Variants in GRIK3 observed in about 807,000 individuals in gnomAD.
GRIK3 encodes glutamate ionotropic receptor kainate type subunit 3.
A neutral mutation model predicts 102.5 loss-of-function variants in GRIK3; 29 were observed. That is an observed-to-expected ratio of 0.28 (90% CI 0.21 to 0.39). GRIK3 has a LOEUF of 0.39. Among genes scored for constraint, GRIK3 ranks in the 10% least tolerant of loss-of-function variants. GRIK3 has a pLI of 1.00. For missense variants in GRIK3, 908 were observed against 1,252.4 expected (o/e 0.73, Z 4.15); for synonymous variants, 511 against 504.9 (o/e 1.01, Z -0.16).
At chr1:36,870,244 C>T (rs1344414246) in intron 4 of GRIK3, among the ~76,000 whole-genome samples, 1 of 152,134 alleles carries the variant, frequency 6.6e-6, no homozygotes, top group African/African-American at 2.4e-5. Context: ...CCCTGCTAAC[C>T]CCCTGGCCTA....
intron 1 of GRIK3, among the ~76,000 whole-genome samples, chr1:36,948,134 T>G (rs1275572811): frequency 1.3e-5 from 2 of 152,068 alleles, no homozygotes; most frequent in Non-Finnish European, 2.9e-5. Context: ...ATGCAACACC[T>G]GGTATCAAAC....
chr1:36,977,569 T>C (rs1642207740), intron 1 of GRIK3, among the ~76,000 whole-genome samples: 1 of 152,150 alleles, frequency 6.6e-6, no homozygotes, highest in South Asian at 2.1e-4. Context: ...AATAAAGCCA[T>C]TCCCCTGCGA....
At chr1:36,815,306 G>A (rs1642614817) in intron 13 of GRIK3, among the ~76,000 whole-genome samples, 1 of 152,178 alleles carries the variant, frequency 6.6e-6, no homozygotes, top group African/African-American at 2.4e-5. Context: ...GGACATGGTG[G>A]GGGCTGGGCA....
At chr1:37,011,555 G>C (rs1435253723) in intron 1 of GRIK3, among the ~76,000 whole-genome samples, 1 of 152,206 alleles carries the variant, frequency 6.6e-6, no homozygotes, top group Non-Finnish European at 1.5e-5. Context: ...TTCAAAGATA[G>C]GCAGTGGCTT....
chr1:36,988,367 G>C (rs138121405), intron 1 of GRIK3, among the ~76,000 whole-genome samples: 264 of 152,380 alleles, frequency 1.7e-3, no homozygotes, highest in African/African-American at 5.6e-3. Flanking sequence ...TGCTGACCCA[G>C]TGGGGCAGGA....
chr1:36,928,392 A>G (rs377489477), intron 1 of GRIK3, among the ~76,000 whole-genome samples: 4 of 152,192 alleles, frequency 2.6e-5, no homozygotes, highest in Non-Finnish European at 5.9e-5. Context: ...GTGGCTGCCC[A>G]GGTGAACAAA....
chr1:36,850,029 A>C lies in GRIK3; in HGVS notation c.1326+282T>G, dbSNP rs781703991. ...CACTCAGGTTGCAATGGGCTGTCAAACCCCCTTAATTCCACCATCCAGCAT... is the reference window on the plus strand; with the variant it reads ...CACTCAGGTTGCAATGGGCTGTCAACCCCCCTTAATTCCACCATCCAGCAT... On this transcript the variant is annotated intron_variant, in intron 9 of 15. Transcript: ENST00000373091. The surrounding 1 kb of genome is among the most constrained non-coding windows in gnomAD (Gnocchi z 4.0). 5.1e-5 allele frequency: 18 copies of C among 352,238 alleles called. No individual in the cohort carries two copies. The highest frequency in any genetic ancestry group is 8.8e-5 in the Non-Finnish European group (17 of 192,112). 21.8% of individuals were successfully genotyped at this position (352,238 alleles called of 1,614,324 possible).
At position 37,007,164 on chromosome 1, in the gene GRIK3, C is replaced by T. The variant is rs151019141; in HGVS notation, c.115+26830G>A. On this transcript the variant is annotated intron_variant, in intron 1 of 15. Transcript: ENST00000373091. ...GGGAACACGGCATAGGGCACCACTA[C>T]ATGCAGGCACTGAGCAGATGCTCCC... Among the ~76,000 whole-genome samples the T allele has an allele frequency of 3.3e-3, 496 of 152,374 alleles. 1 individual carries two copies. The highest frequency in any genetic ancestry group is 0.011 in the African/African-American group (470 of 41,592).
chr1:36,877,634 C>T (rs1166891869), intron 3 of GRIK3, among the ~76,000 whole-genome samples: 1 of 152,322 alleles, frequency 6.6e-6, no homozygotes, highest in East Asian at 1.9e-4. Flanking sequence ...ACCTTCCATA[C>T]CTGAATCCTC....
intron 10 of GRIK3, among the ~76,000 whole-genome samples, chr1:36,827,195 T>A (rs1642764739): frequency 6.6e-6 from 1 of 152,210 alleles, no homozygotes; most frequent in Admixed American, 6.5e-5. Flanking sequence ...GCCTGTGAAT[T>A]TCTGAGTGCG....
At chr1:36,921,884 G>A (rs1041763314) in intron 1 of GRIK3, among the ~76,000 whole-genome samples, 2 of 152,100 alleles carry the variant, frequency 1.3e-5, no homozygotes, top group African/African-American at 2.4e-5. Flanking sequence ...CAAATCCCTC[G>A]GGTCACCTGG....
Position 36,928,325 on chromosome 1 carries a change from C to A in GRIK3, c.116-37229G>T, listed in dbSNP as rs1240532438. On this transcript the variant is annotated intron_variant, in intron 1 of 15. Coordinates refer to ENST00000373091, the MANE Select transcript of GRIK3 (RefSeq NM_000831.4). ...ATAGCTGTGCTTTAGCCCACAGCTA[C>A]CTCCACCCCAGATTTCCAGGCCTGA... is the stretch of plus-strand genomic sequence containing the variant. 2.0e-5 allele frequency among the ~76,000 whole-genome samples: 3 copies of A among 152,216 alleles called. No individual in the cohort carries two copies. In the East Asian group the frequency reaches 5.8e-4, roughly 29 times the overall value.
At chr1:36,945,030 G>A (rs922647499) in intron 1 of GRIK3, among the ~76,000 whole-genome samples, 2 of 152,242 alleles carry the variant, frequency 1.3e-5, no homozygotes, top group African/African-American at 4.8e-5. Flanking sequence ...TGGCCTGTGG[G>A]CAGCAGGTGT....
intron 1 of GRIK3, among the ~76,000 whole-genome samples, chr1:36,999,296 G>T (rs1470063525): frequency 6.6e-6 from 1 of 152,100 alleles, no homozygotes; most frequent in South Asian, 2.1e-4. Context: ...AGAGGAAGCT[G>T]CAGGGGCAGG....
chr1:36,838,737 T>A (rs937923018), intron 10 of GRIK3, among the ~76,000 whole-genome samples: 2 of 152,214 alleles, frequency 1.3e-5, no homozygotes, highest in African/African-American at 4.8e-5. Context: ...TACATTCAGA[T>A]CCCTAATAAG....
intron 1 of GRIK3, among the ~76,000 whole-genome samples, chr1:36,942,216 C>T (rs1641728887): frequency 6.6e-6 from 1 of 152,214 alleles, no homozygotes. Context: ...CTCCGTCGAG[C>T]AGGTCTCTGT....
In GRIK3 at chr1:36,882,322, G is replaced by T. The variant is rs556652873; in HGVS notation, c.293-1431C>A. Reference sequence around the variant, plus strand: ...AACTCAGGCAGGTGAGGCAGCAGATGCTTTCCACCGGCCTGGGATGGTAGA... The same window carrying T: ...AACTCAGGCAGGTGAGGCAGCAGATTCTTTCCACCGGCCTGGGATGGTAGA... On this transcript the variant is annotated intron_variant, in intron 2 of 15. Coordinates refer to ENST00000373091, the MANE Select transcript of GRIK3 (RefSeq NM_000831.4). 2.0e-5 allele frequency among the ~76,000 whole-genome samples: 3 copies of T among 152,320 alleles called. No homozygotes were observed. The East Asian group carries it at 5.8e-4, about 29-fold the overall frequency.
chr1:36,993,649 G>C (rs2124010233), intron 1 of GRIK3, among the ~76,000 whole-genome samples: 1 of 152,356 alleles, frequency 6.6e-6, no homozygotes, highest in African/African-American at 2.4e-5. Context: ...GTGTGAGGCA[G>C]AGAGGGGGTG....
Position 36,859,865 on chromosome 1 carries a change from G to T in GRIK3, c.939C>A (p.Gly313=). The change falls in exon 6 of 16, where the codon GGC becomes GGA. Residue 313 remains glycine, a synonymous_variant. Coordinates refer to ENST00000373091, the MANE Select transcript of GRIK3 (RefSeq NM_000831.4). ...RLQAAPRSES[G]LLDGVMMTDA... is the part of the protein sequence containing the mutation. ...TTACCATCATCACTCCATCCAGCAG[G>T]CCAGACTCGGACCGGGGAGCTGCCT... is the stretch of plus-strand genomic sequence containing the variant. 6.2e-7 allele frequency: 1 copy of T among 1,613,810 alleles called. No homozygotes were observed. The highest frequency in any genetic ancestry group is 8.5e-7 in the Non-Finnish European group (1 of 1,179,786).
Sources: gnomAD v4.1 joint callset for allele counts (sites outside exome capture counted in the v4.1 genomes callset) on GRCh38, gnomAD v4.1.1 for gene constraint, Gnocchi (gnomAD v3.1) non-coding constraint, MANE v1.5 for transcripts, NCBI Gene and HGNC (gene_info 2026-07-23, HGNC 2026-07-21) for gene names.